The following NAALADL2 variants were observed in gnomAD, a reference collection of about 807,000 sequenced individuals.
NAALADL2 encodes inactive N-acetylated-alpha-linked acidic dipeptidase-like protein 2.
A neutral mutation model predicts 87.2 loss-of-function variants in NAALADL2; 76 were observed. The observed-to-expected ratio is 0.87, with a 90% CI of 0.72 to 1.05. The LOEUF (loss-of-function observed/expected upper bound fraction) is 1.05, where lower values mean the gene tolerates loss of function less well. Among genes scored for constraint, NAALADL2 ranks in the 50% least tolerant of loss-of-function variants. The pLI is 0.00. For synonymous variants in NAALADL2, 354 were observed against 331.0 expected (o/e 1.07, Z -0.75); for missense variants, 1,089 against 945.8 (o/e 1.15, Z -1.99).
At chr3:175,100,280 C>A (rs1327152274) in intron 2 of NAALADL2, among the ~76,000 whole-genome samples, 1 of 151,140 alleles carries the variant, frequency 6.6e-6, no homozygotes, top group East Asian at 2.0e-4. Context: ...CCATTTTTGG[C>A]TTATGAGAGG....
intron 11 of NAALADL2, among the ~76,000 whole-genome samples, chr3:175,732,096 G>A (rs568121520): frequency 1.2e-4 from 19 of 152,134 alleles, no homozygotes; most frequent in Admixed American, 5.9e-4. Flanking sequence ...ATTTCCTGAA[G>A]TACAGCGTAA....
chr3:175,618,061 C>A (rs1209888933), intron 10 of NAALADL2, among the ~76,000 whole-genome samples: 1 of 152,184 alleles, frequency 6.6e-6, no homozygotes, highest in Non-Finnish European at 1.5e-5. Context: ...AACTTCTCTG[C>A]TGCTTGCAGG....
chr3:174,839,473 T>TA (rs1204569113), intron 3 of NAALADL2, among the ~76,000 whole-genome samples: 1 of 151,784 alleles, frequency 6.6e-6, no homozygotes, highest in Non-Finnish European at 1.5e-5. Context: ...GCAAATGCAA[T>TA]AAAAACAAAG....
At chr3:175,633,360 C>T (rs2149734393) in intron 11 of NAALADL2, among the ~76,000 whole-genome samples, 1 of 152,072 alleles carries the variant, frequency 6.6e-6, no homozygotes, top group Admixed American at 6.6e-5. Flanking sequence ...TTTATTATCA[C>T]TTTCTTGCTA....
At position 175,562,097 on chromosome 3, in the gene NAALADL2, C is replaced by T. The variant is rs559805586; in HGVS notation, c.1654-13944C>T. 7.2e-5 allele frequency among the ~76,000 whole-genome samples: 11 copies of T among 152,186 alleles called. No homozygotes were observed. In the East Asian group the frequency reaches 1.4e-3, roughly 19 times the overall value. ...TGTATTTCACAGTGATTTCAGTTCC[C>T]GATGTGGGTGGGGAAGAGAGAATTT... On this transcript the variant is annotated intron_variant, in intron 9 of 13. Transcript: ENST00000454872.
intron 1 of NAALADL2, among the ~76,000 whole-genome samples, chr3:175,036,200 A>C (rs1009900423): frequency 1.3e-5 from 2 of 152,050 alleles, no homozygotes; most frequent in Non-Finnish European, 2.9e-5. Flanking sequence ...AACTTCGTTT[A>C]TCTTTTTCTT....
chr3:174,848,106 A>G (rs970360410), intron 3 of NAALADL2, among the ~76,000 whole-genome samples: 5 of 151,024 alleles, frequency 3.3e-5, no homozygotes, highest in Admixed American at 2.0e-4. Flanking sequence ...TCTCGCTGTG[A>G]TATGCTATTT....
In NAALADL2 at chr3:175,076,322, CT is replaced by C. The variant is rs57449665; in HGVS notation, c.44-20450del. Among the ~76,000 whole-genome samples, 859 of 127,438 alleles carry C rather than the reference CT, an allele frequency of 6.7e-3. 1 individual carries two copies. The highest frequency in any genetic ancestry group is 8.7e-3 in the African/African-American group (311 of 35,744). 83.6% of individuals were successfully genotyped at this position (127,438 alleles called of 152,430 possible). On this transcript the variant is annotated intron_variant, in intron 1 of 13. Coordinates refer to ENST00000454872, the MANE Select transcript of NAALADL2 (RefSeq NM_207015.3). ...CTTCTGCCAAATCGTGTATTTCATGCTTTTTTTTTTTTTTTTTTACTTTATT... is the reference window on the plus strand; with the variant it reads ...CTTCTGCCAAATCGTGTATTTCATGCTTTTTTTTTTTTTTTTTACTTTATT...
At chr3:175,119,711 A>ATATAGATATAGATATAGATATAGAT (rs1459782317) in intron 2 of NAALADL2, among the ~76,000 whole-genome samples, 1 of 147,980 alleles carries the variant, frequency 6.8e-6, no homozygotes, top group Non-Finnish European at 1.5e-5. Context: ...ATAGATATAG[A>ATATAGATATAGATATAGATATAGAT]TATATAATGT....
At chr3:175,316,255 C>A (rs74511459) in intron 4 of NAALADL2, among the ~76,000 whole-genome samples, 1 of 152,062 alleles carries the variant, frequency 6.6e-6, no homozygotes, top group African/African-American at 2.4e-5. Context: ...GAAAATATTA[C>A]CCAGTTCAAG....
intron 5 of NAALADL2, among the ~76,000 whole-genome samples, chr3:175,350,767 C>A (rs1054565953): frequency 6.6e-6 from 1 of 152,084 alleles, no homozygotes; most frequent in African/African-American, 2.4e-5. Flanking sequence ...GTCTCTCCTC[C>A]CTTTTATTCC....
At chr3:175,693,387 A>G (rs1374290137) in intron 11 of NAALADL2, among the ~76,000 whole-genome samples, 1 of 152,186 alleles carries the variant, frequency 6.6e-6, no homozygotes, top group Non-Finnish European at 1.5e-5. Flanking sequence ...CACAAGCTGG[A>G]GTAACCCAAT....
chr3:174,447,842 A>G (rs1345251545), intron 1 of NAALADL2, among the ~76,000 whole-genome samples: 2 of 152,158 alleles, frequency 1.3e-5, no homozygotes, highest in African/African-American at 4.8e-5. Flanking sequence ...ATAAAAATAA[A>G]AAATAAAATT....
intron 2 of NAALADL2, among the ~76,000 whole-genome samples, chr3:174,603,490 TTC>T (rs1298681853): frequency 6.6e-6 from 1 of 152,036 alleles, no homozygotes; most frequent in East Asian, 1.9e-4. Context: ...TATTTGGGCC[TTC>T]TCTCTTTTTT....
chr3:175,526,370 G>T (rs915727266), intron 9 of NAALADL2, among the ~76,000 whole-genome samples: 1 of 152,156 alleles, frequency 6.6e-6, no homozygotes, highest in Admixed American at 6.6e-5. Context: ...GGAATTTGCA[G>T]TCATTATTCC....
chr3:174,928,431 G>A (rs943108063), intron 1 of NAALADL2, among the ~76,000 whole-genome samples: 1 of 151,990 alleles, frequency 6.6e-6, no homozygotes, highest in Admixed American at 6.6e-5. Flanking sequence ...TAGTAGAGAC[G>A]GGATTTCACC....
At chr3:175,141,038 T>A (rs1940626044) in intron 2 of NAALADL2, among the ~76,000 whole-genome samples, 1 of 152,114 alleles carries the variant, frequency 6.6e-6, no homozygotes, top group Non-Finnish European at 1.5e-5. Flanking sequence ...CAAAATATCA[T>A]GGAGGATAAA....
At chr3:174,649,053 C>A (rs1201317057) in intron 2 of NAALADL2, among the ~76,000 whole-genome samples, 2 of 152,056 alleles carry the variant, frequency 1.3e-5, no homozygotes, top group African/African-American at 4.8e-5. Flanking sequence ...CTCTGCCTCC[C>A]AGGTTCAAGT....
chr3:174,906,107 A>G (rs909965054), intron 1 of NAALADL2, among the ~76,000 whole-genome samples: 13 of 152,242 alleles, frequency 8.5e-5, no homozygotes, highest in African/African-American at 2.9e-4. Flanking sequence ...GTACAAAACA[A>G]ACTGTTCAGG....
Sources: gnomAD v4.1 joint callset for allele counts (sites outside exome capture counted in the v4.1 genomes callset) on GRCh38, gnomAD v4.1.1 for gene constraint, MANE v1.5 for transcripts, NCBI Gene and HGNC (gene_info 2026-07-23, HGNC 2026-07-21) for gene names.